Variants in KMT2C observed in about 807,000 individuals in gnomAD.
KMT2C encodes the protein lysine methyltransferase 2C.
In KMT2C, 88 loss-of-function variants were observed where a neutral mutation model predicts 507.9. That is an observed-to-expected ratio of 0.17 (90% confidence interval 0.15 to 0.21). The LOEUF (loss-of-function observed/expected upper bound fraction) is 0.21, where lower values mean the gene tolerates loss of function less well. KMT2C is among the 10% of genes least tolerant of loss of function. The pLI is 1.00. For missense variants in KMT2C, 4,954 were observed against 5,957.8 expected (o/e 0.83, Z 5.55); for synonymous variants, 2,049 against 2,080.8 (o/e 0.98, Z 0.42).
intron 52 of KMT2C, among the ~76,000 whole-genome samples, chr7:152,147,350 T>C (rs1203475639): frequency 6.6e-6 from 1 of 152,072 alleles, no homozygotes; most frequent in East Asian, 1.9e-4. Context: ...ACAGTATGAT[T>C]TAGATGTCAT....
At chr7:152,183,711 A>C in intron 34 of KMT2C, among the ~76,000 whole-genome samples, 1 of 152,200 alleles carries the variant, frequency 6.6e-6, no homozygotes, top group African/African-American at 2.4e-5. Flanking sequence ...AGCCTGACCA[A>C]CATGGAGACA....
chr7:152,299,816 T>G (rs1266173263), intron 6 of KMT2C, among the ~76,000 whole-genome samples: 20 of 151,884 alleles, frequency 1.3e-4, no homozygotes, highest in Non-Finnish European at 2.6e-4. Context: ...TATGTTTTTA[T>G]CAGAGAAATA....
chr7:152,245,450 C>A (rs1459182471), intron 14 of KMT2C, among the ~76,000 whole-genome samples: 1 of 151,984 alleles, frequency 6.6e-6, no homozygotes, highest in African/African-American at 2.4e-5. Context: ...TTTGAATATA[C>A]CAGGTTAAAT....
Position 152,174,767 on chromosome 7 carries a change from TA to T in KMT2C, c.9263-526del, listed in dbSNP as rs546222384. Among the ~76,000 whole-genome samples the T allele has an allele frequency of 1.2e-4, 19 of 152,360 alleles. 1 individual carries two copies. The highest frequency in any genetic ancestry group is 2.1e-4 in the South Asian group (1 of 4,828). On this transcript the variant is annotated intron_variant, in intron 38 of 58. Transcript: ENST00000262189. ...GGAATGTCAATTTTATTATTTAGAA[TA>T]AGGCACACTGCTTAGACACGTGCCC...
intron 1 of KMT2C, among the ~76,000 whole-genome samples, chr7:152,392,208 C>T (rs930141730): frequency 5.9e-5 from 9 of 152,106 alleles, no homozygotes; most frequent in African/African-American, 2.2e-4. Flanking sequence ...TCCCCTACCC[C>T]CCACAACCCT....
At chr7:152,423,886 G>A (rs1347161533) in intron 1 of KMT2C, among the ~76,000 whole-genome samples, 1 of 152,050 alleles carries the variant, frequency 6.6e-6, no homozygotes, top group Non-Finnish European at 1.5e-5. Flanking sequence ...CCTTTTTAGG[G>A]TTGATATTCA....
At chr7:152,176,135 C>A (rs530123585) in intron 38 of KMT2C, 56 bp downstream of exon 38, 1 of 1,426,080 alleles carries the variant, frequency 7.0e-7, no homozygotes, top group Non-Finnish European at 9.5e-7. Context: ...ATAAGCATAT[C>A]GCATGCCACT....
intron 2 of KMT2C, among the ~76,000 whole-genome samples, chr7:152,351,849 G>C (rs1040078942): frequency 2.0e-5 from 3 of 152,118 alleles, no homozygotes; most frequent in Non-Finnish European, 2.9e-5. Flanking sequence ...AGCTGAGGAG[G>C]ATGTATGTCG....
At chr7:152,139,137 C>A (rs770457219) in intron 57 of KMT2C, 49 bp downstream of exon 57, 2 of 1,565,156 alleles carry the variant, frequency 1.3e-6, no homozygotes, top group Admixed American at 1.7e-5. Context: ...TCCACCAGCA[C>A]TGGCCCCACA....
intron 3 of KMT2C, among the ~76,000 whole-genome samples, chr7:152,321,999 CCTGT>C (rs1043434692): frequency 1.3e-4 from 20 of 151,710 alleles, no homozygotes; most frequent in African/African-American, 3.4e-4. Context: ...GATGCATCAC[CCTGT>C]CTGATTTCAA....
chr7:152,294,484 C>G (rs1182127689), intron 6 of KMT2C, among the ~76,000 whole-genome samples: 1 of 152,034 alleles, frequency 6.6e-6, no homozygotes, highest in Non-Finnish European at 1.5e-5. Flanking sequence ...ATAATTATGA[C>G]CAGGTATGGT....
chr7:152,207,808 A>G (rs35028390), intron 23 of KMT2C, among the ~76,000 whole-genome samples: 1 of 152,214 alleles, frequency 6.6e-6, no homozygotes, highest in Non-Finnish European at 1.5e-5. Flanking sequence ...TGAAAACTGT[A>G]TATCCAAAAT....
rs1340968648 is a variant in KMT2C, at chr7:152,180,793, G to C, written c.7067C>G (p.Pro2356Arg). ...GQQFSGVSQL[P>R]GPVPTSGVTD... ...TACTCCTGAAGTTGGCACAGGTCCA[G>C]GAAGTTGGGAGACACCAGAGAACTG... is the stretch of plus-strand genomic sequence containing the variant. Residue 2356 changes from proline to arginine, a missense_variant, in exon 36 of 59, where the codon CCT (proline) becomes CGT (arginine). This residue lies in a region of KMT2C where 1,689 missense variants were observed against 1,654.3 expected (regional missense o/e 1.02). Transcript: ENST00000262189. The C allele has an allele frequency of 2.5e-6, 4 of 1,614,034 alleles. No homozygotes were observed. The highest frequency in any genetic ancestry group is 3.4e-6 in the Non-Finnish European group (4 of 1,180,034).
chr7:152,199,231 T>C (rs755907113), intron 27 of KMT2C, 48 bp downstream of exon 27: 7 of 1,401,336 alleles, frequency 5.0e-6, no homozygotes, highest in Non-Finnish European at 5.8e-6. Flanking sequence ...GAAAGGAAGA[T>C]GTATGTTATA....
chr7:152,141,187 C>G (rs2090491364), intron 55 of KMT2C, among the ~76,000 whole-genome samples: 1 of 152,106 alleles, frequency 6.6e-6, no homozygotes, highest in African/African-American at 2.4e-5. Flanking sequence ...TTGCAGTGAG[C>G]TGAGATCATG....
intron 1 of KMT2C, among the ~76,000 whole-genome samples, chr7:152,372,796 G>A (rs544339568): frequency 2.6e-5 from 4 of 152,152 alleles, no homozygotes; most frequent in Admixed American, 6.6e-5. Flanking sequence ...TTTCGACAAC[G>A]GATAAATAAT....
intron 25 of KMT2C, among the ~76,000 whole-genome samples, chr7:152,204,398 C>T (rs1170061064): frequency 6.6e-6 from 1 of 152,084 alleles, no homozygotes; most frequent in Admixed American, 6.5e-5. Context: ...AGTTGCAGGC[C>T]AGCCTGGGCA....
At chr7:152,290,345 C>G (rs1290917585) in intron 6 of KMT2C, among the ~76,000 whole-genome samples, 2 of 116,352 alleles carry the variant, frequency 1.7e-5, no homozygotes, top group Non-Finnish European at 3.3e-5. Context: ...GAGTCTCACT[C>G]TGTCACCCAC....
Position 152,152,709 on chromosome 7 carries a change from G to A in KMT2C, c.12522C>T (p.Ser4174=), listed in dbSNP as rs144917680. ...ACAAAAAGCTCACTAGCTCACCATT[G>A]CTTGTTGGAGGAAATGGTACATTAG... ...KQPNVPFPPT[S]NGLSGYKDSS... The change falls in exon 49 of 59, where the codon AGC becomes AGT. Residue 4174 remains serine, a synonymous_variant. Transcript: ENST00000262189. The A allele has an allele frequency of 5.2e-5, 84 of 1,613,850 alleles. 2 individuals are homozygous for A. In the Middle Eastern group the frequency reaches 1.8e-3, roughly 35 times the overall value.
Sources: gnomAD v4.1 joint callset for allele counts (sites outside exome capture counted in the v4.1 genomes callset) on GRCh38, gnomAD v4.1.1 for gene constraint, gnomAD v4.1.1 regional missense constraint, MANE v1.5 for transcripts, NCBI Gene and HGNC (gene_info 2026-07-23, HGNC 2026-07-21) for gene names.